Variants in ANK1 observed in about 807,000 individuals in gnomAD.
ANK1 encodes ankyrin-1.
ANK1 carries 51 observed loss-of-function variants against 210.4 expected under a neutral mutation model. The observed-to-expected ratio is 0.24, with a 90% CI of 0.19 to 0.31. ANK1 has a LOEUF of 0.31. Ranked by LOEUF, ANK1 falls within the 10% of genes least tolerant of loss-of-function variation. The pLI is 1.00. For synonymous variants in ANK1, 967 were observed against 1,025.9 expected (o/e 0.94, Z 1.10); for missense variants, 2,051 against 2,504.4 (o/e 0.82, Z 3.86).
At chr8:41,705,312 GTC>G (rs1198150731) in intron 18 of ANK1, among the ~76,000 whole-genome samples, 1 of 152,204 alleles carries the variant, frequency 6.6e-6, no homozygotes, top group Non-Finnish European at 1.5e-5. Flanking sequence ...ACAGGACAGG[GTC>G]TCTCTGTGCA....
intron 1 of ANK1, among the ~76,000 whole-genome samples, chr8:41,875,199 G>T (rs1396710108): frequency 6.6e-6 from 1 of 152,168 alleles, no homozygotes; most frequent in Non-Finnish European, 1.5e-5. Context: ...CCCAGATGCG[G>T]GGGCTCCTGC....
Position 41,696,764 on chromosome 8 carries a change from C to G in ANK1, c.2647G>C (p.Glu883Gln), listed in dbSNP as rs1190367032. Residue 883 changes from glutamate to glutamine, a missense_variant, in exon 25 of 43, where the codon GAG becomes CAG. This residue lies in a region of ANK1 where 1,413 missense variants were observed against 1,707.4 expected (regional missense o/e 0.83). Coordinates refer to ENST00000289734, the MANE Select transcript of ANK1 (RefSeq NM_000037.4). ...GGGATGAGGGAGTCCTCATCATACT[C>G]TTTAGATGCCTGAGGAGAGAGAAAG... ...RSEEQEQASK[E>Q]YDEDSLIPSS... The G allele has an allele frequency of 6.2e-7, 1 of 1,600,266 alleles. No homozygotes were observed. Among genetic ancestry groups the G allele is most frequent in the South Asian group, 1.1e-5 (1 of 91,016 alleles).
intron 12 of ANK1, 120 bp from the exon 13 acceptor site, chr8:41,717,171 GC>G: frequency 2.0e-6 from 2 of 976,888 alleles, no homozygotes; most frequent in Non-Finnish European, 3.2e-6. Flanking sequence ...AGGTGGAGTT[GC>G]CCCAGCAGGC....
At chr8:41,749,608 C>T (rs1473171491) in intron 2 of ANK1, among the ~76,000 whole-genome samples, 1 of 146,550 alleles carries the variant, frequency 6.8e-6, no homozygotes, top group Non-Finnish European at 1.5e-5. Flanking sequence ...TCATCTTGGA[C>T]TTCTTCTTCT....
intron 14 of ANK1, among the ~76,000 whole-genome samples, 160 bp from the exon 15 acceptor site, chr8:41,715,234 G>A (rs938584637): frequency 2.0e-5 from 3 of 152,196 alleles, no homozygotes; most frequent in African/African-American, 7.2e-5. Context: ...AAGACCTCAG[G>A]ACTTGGCAGG....
At chr8:41,716,658 C>T (rs142913106) in intron 13 of ANK1, among the ~76,000 whole-genome samples, 4 of 152,312 alleles carry the variant, frequency 2.6e-5, no homozygotes, top group Admixed American at 6.5e-5. Flanking sequence ...TTCTTTAAAA[C>T]GTTGCCCCCC....
At chr8:41,870,936 T>A (rs886090240) in intron 1 of ANK1, among the ~76,000 whole-genome samples, 3 of 152,140 alleles carry the variant, frequency 2.0e-5, no homozygotes, top group Non-Finnish European at 4.4e-5. Context: ...GGCTCTCGAA[T>A]GGGCACGGGG....
chr8:41,854,745 G>A (rs1811874804), intron 1 of ANK1, among the ~76,000 whole-genome samples: 1 of 152,094 alleles, frequency 6.6e-6, no homozygotes, highest in African/African-American at 2.4e-5. Context: ...TTTGAGACTG[G>A]CCTGGGCAAC....
intron 42 of ANK1, among the ~76,000 whole-genome samples, chr8:41,656,041 G>A (rs1458506113): frequency 1.3e-5 from 2 of 152,242 alleles, no homozygotes; most frequent in African/African-American, 4.8e-5. Context: ...CTCTCTGTAT[G>A]GGCCAAGGAG....
At chr8:41,771,121 C>T (rs1842880421) in intron 1 of ANK1, among the ~76,000 whole-genome samples, 1 of 152,196 alleles carries the variant, frequency 6.6e-6, no homozygotes, top group South Asian at 2.1e-4. Flanking sequence ...AACTGTAAGT[C>T]TTGGGGTTCA....
upstream of ANK1, among the ~76,000 whole-genome samples, chr8:41,798,081 A>G (rs1336635613): frequency 1.3e-5 from 2 of 151,838 alleles, no homozygotes; most frequent in Admixed American, 6.5e-5. Context: ...GAGGCTCTGT[A>G]GAGGAAGCTT....
At chr8:41,825,087 T>A (rs188150568) in intron 1 of ANK1, among the ~76,000 whole-genome samples, 122 of 152,298 alleles carry the variant, frequency 8.0e-4, no homozygotes, top group African/African-American at 2.8e-3. Context: ...GGGAGGGAAG[T>A]CCTTGGGGCT....
chr8:41,868,356 A>G (rs968556491), intron 1 of ANK1, among the ~76,000 whole-genome samples: 1 of 152,096 alleles, frequency 6.6e-6, no homozygotes, highest in African/African-American at 2.4e-5. Flanking sequence ...GATACCTTAC[A>G]TGTTTCTAGA....
intron 3 of ANK1, among the ~76,000 whole-genome samples, chr8:41,728,843 C>T (rs978296104): frequency 1.4e-4 from 21 of 152,250 alleles, no homozygotes; most frequent in African/African-American, 4.8e-4. Flanking sequence ...AGCGCGTTGG[C>T]GTCCCTCAGG....
intron 1 of ANK1, among the ~76,000 whole-genome samples, chr8:41,766,754 G>A (rs1219555592): frequency 6.6e-6 from 1 of 152,220 alleles, no homozygotes; most frequent in Non-Finnish European, 1.5e-5. Flanking sequence ...AGGGGGCTGC[G>A]AGAATCGAAG....
chr8:41,656,252 G>A (rs1236685524), intron 42 of ANK1, among the ~76,000 whole-genome samples: 4 of 152,226 alleles, frequency 2.6e-5, no homozygotes, highest in Admixed American at 2.0e-4. Flanking sequence ...ACTGATGTCC[G>A]CCATGCGCCA....
At chr8:41,777,220 T>C (rs1450508260) in intron 1 of ANK1, among the ~76,000 whole-genome samples, 1 of 152,194 alleles carries the variant, frequency 6.6e-6, no homozygotes, top group Non-Finnish European at 1.5e-5. Flanking sequence ...GTATTTCTTA[T>C]CTGCACAATA....
intron 1 of ANK1, among the ~76,000 whole-genome samples, chr8:41,830,241 A>G (rs969936253): frequency 1.3e-5 from 2 of 151,024 alleles, no homozygotes; most frequent in African/African-American, 2.4e-5. Flanking sequence ...CATCTCCAGG[A>G]CCAAACAGCC....
In ANK1 at chr8:41,692,741, G is replaced by A; in HGVS notation, c.3765C>T (p.Arg1255=). 1.2e-6 allele frequency: 2 copies of A among 1,614,114 alleles called. No individual in the cohort carries two copies. Among genetic ancestry groups the A allele is most frequent in the South Asian group, 2.2e-5 (2 of 91,076 alleles). Residue 1255 remains arginine (R), a synonymous_variant, in exon 31 of 43, where the codon CGC becomes CGT. Coordinates refer to ENST00000289734, the MANE Select transcript of ANK1 (RefSeq NM_000037.4). ...FAKMNDPREG[R]LRCYCMTDDK... is the part of the protein sequence containing the mutation. ...CATCTGTCATGCAGTAGCAGCGCAG[G>A]CGCCCCTCTCGGGGGTCATTCATCT...
Sources: gnomAD v4.1 joint callset for allele counts (sites outside exome capture counted in the v4.1 genomes callset) on GRCh38, gnomAD v4.1.1 for gene constraint, gnomAD v4.1.1 regional missense constraint, MANE v1.5 for transcripts, NCBI Gene and HGNC (gene_info 2026-07-23, HGNC 2026-07-21) for gene names.